RREB1: variants seen among roughly 807,000 people sequenced by gnomAD.
The protein encoded by RREB1 is ras responsive element binding protein 1.
Under a neutral mutation model 117.8 loss-of-function variants are expected in RREB1, and 27 were observed. That is an observed-to-expected ratio of 0.23 (90% CI 0.17 to 0.32). The LOEUF is 0.32. Ranked by LOEUF, RREB1 falls within the 10% of genes least tolerant of loss-of-function variation. The pLI is 1.00. For missense variants in RREB1, 2,577 were observed against 2,378.2 expected (o/e 1.08, Z -1.74); for synonymous variants, 1,298 against 1,026.7 (o/e 1.26, Z -5.05).
In RREB1 at chr6:7,240,488, T is replaced by C; in HGVS notation, c.3859T>C (p.Ser1287Pro). 6.2e-7 allele frequency: 1 copy of C among 1,614,040 alleles called. No homozygotes were observed. The highest frequency in any genetic ancestry group is 8.5e-7 in the Non-Finnish European group (1 of 1,179,976). ...QKCDAFFSTK[S>P]NCERHQLRKH... Reference sequence around the variant, plus strand: ...ATGCGATGCCTTCTTTTCTACCAAATCTAACTGTGAACGCCACCAGTTGCG... The same window carrying C: ...ATGCGATGCCTTCTTTTCTACCAAACCTAACTGTGAACGCCACCAGTTGCG... Residue 1287 changes from serine to proline, a missense_variant, in exon 11 of 13, where the codon TCT becomes CCT. By Grantham distance (74) the Ser-to-Pro change is moderately conservative. Coordinates refer to ENST00000379938, the MANE Select transcript of RREB1 (RefSeq NM_001003699.4).
At chr6:7,173,346 G>A (rs954513733) in intron 1 of RREB1, among the ~76,000 whole-genome samples, 3 of 151,720 alleles carry the variant, frequency 2.0e-5, no homozygotes, top group African/African-American at 7.3e-5. Flanking sequence ...GCGAAACCCC[G>A]TCTCTACTAA....
intron 1 of RREB1, among the ~76,000 whole-genome samples, chr6:7,113,554 AT>A (rs1052204523): frequency 6.6e-5 from 10 of 152,148 alleles, no homozygotes; most frequent in African/African-American, 2.4e-4. Flanking sequence ...ATGTTGACCC[AT>A]TTTACAGCTG....
At chr6:7,136,799 GTTCT>G (rs1762365765) in intron 1 of RREB1, among the ~76,000 whole-genome samples, 1 of 152,180 alleles carries the variant, frequency 6.6e-6, no homozygotes. Flanking sequence ...GTTTTCAAGA[GTTCT>G]TTATTATCAG....
At chr6:7,153,451 C>T (rs1763221672) in intron 1 of RREB1, among the ~76,000 whole-genome samples, 1 of 151,612 alleles carries the variant, frequency 6.6e-6, no homozygotes, top group Non-Finnish European at 1.5e-5. Context: ...CACAAATCCT[C>T]CAATGTATTT....
chr6:7,109,903 T>C (rs1224684306), intron 1 of RREB1, among the ~76,000 whole-genome samples: 2 of 152,190 alleles, frequency 1.3e-5, no homozygotes, highest in Non-Finnish European at 2.9e-5. Context: ...CGTTTTGGTA[T>C]GTTGAAAAAC....
chr6:7,187,981 A>G (rs1765173657), intron 5 of RREB1, among the ~76,000 whole-genome samples: 1 of 151,998 alleles, frequency 6.6e-6, no homozygotes, highest in Non-Finnish European at 1.5e-5. Flanking sequence ...CATGGTCCAG[A>G]CCAGCCTGGC....
At chr6:7,197,714 G>A (rs1166625624) in intron 6 of RREB1, among the ~76,000 whole-genome samples, 2 of 152,184 alleles carry the variant, frequency 1.3e-5, no homozygotes, top group Non-Finnish European at 2.9e-5. Context: ...ACATCATCTA[G>A]TTGTTTCGTT....
At chr6:7,239,401 C>T (rs1768547575) in intron 10 of RREB1, among the ~76,000 whole-genome samples, 2 of 152,360 alleles carry the variant, frequency 1.3e-5, no homozygotes, top group East Asian at 3.9e-4. Context: ...GATCCCCTCC[C>T]TCCTCCTCTC....
At chr6:7,179,459 T>C (rs1245279690) in intron 2 of RREB1, among the ~76,000 whole-genome samples, 1 of 152,230 alleles carries the variant, frequency 6.6e-6, no homozygotes, top group African/African-American at 2.4e-5. Flanking sequence ...ACTCATAGTA[T>C]AAATTGGTGG....
chr6:7,151,754 A>G (rs1043100442), intron 1 of RREB1, among the ~76,000 whole-genome samples: 5 of 152,220 alleles, frequency 3.3e-5, no homozygotes, highest in Admixed American at 6.5e-5. Flanking sequence ...AGGAGCAGAG[A>G]TCATCTTGTT....
intron 1 of RREB1, among the ~76,000 whole-genome samples, chr6:7,156,972 C>T (rs746614941): frequency 3.9e-5 from 6 of 152,160 alleles, no homozygotes; most frequent in African/African-American, 7.2e-5. Context: ...TCAGCTTCGT[C>T]GTCCCTGGCT....
intron 1 of RREB1, among the ~76,000 whole-genome samples, chr6:7,171,601 C>G (rs1764211932): frequency 6.6e-6 from 1 of 152,202 alleles, no homozygotes; most frequent in Admixed American, 6.5e-5. Flanking sequence ...TGGCTGTACA[C>G]TGGGAACAAT....
intron 1 of RREB1, among the ~76,000 whole-genome samples, chr6:7,151,193 A>G (rs1763107446): frequency 6.6e-6 from 1 of 152,172 alleles, no homozygotes; most frequent in African/African-American, 2.4e-5. Flanking sequence ...ATTTAATATA[A>G]ATGCAATCAG....
intron 9 of RREB1, among the ~76,000 whole-genome samples, chr6:7,227,820 C>A (rs1282544892): frequency 1.3e-5 from 2 of 152,188 alleles, no homozygotes; most frequent in African/African-American, 4.8e-5. Context: ...AACTCCAGCA[C>A]TTTGGGAGGC....
chr6:7,140,094 T>G (rs1412893542), intron 1 of RREB1, among the ~76,000 whole-genome samples: 1 of 152,198 alleles, frequency 6.6e-6, no homozygotes, highest in Non-Finnish European at 1.5e-5. Context: ...TTATTGAGAA[T>G]TTAGGGGAAA....
At chr6:7,120,981 G>A (rs1761676) in intron 1 of RREB1, among the ~76,000 whole-genome samples, 1 of 151,720 alleles carries the variant, frequency 6.6e-6, no homozygotes, top group Admixed American at 6.6e-5. Flanking sequence ...CTGCCACTAC[G>A]CCTGGCTAAT....
intron 1 of RREB1, among the ~76,000 whole-genome samples, chr6:7,136,364 C>A (rs961026167): frequency 6.6e-6 from 1 of 152,138 alleles, no homozygotes; most frequent in Non-Finnish European, 1.5e-5. Context: ...ATTTCTCCCC[C>A]CTTCAGTAGC....
chr6:7,141,565 A>G (rs1405898180), intron 1 of RREB1, among the ~76,000 whole-genome samples: 1 of 152,220 alleles, frequency 6.6e-6, no homozygotes. Context: ...GCCCACTCGC[A>G]TTATGTAATT....
At chr6:7,177,327 G>A (rs776118006) in intron 2 of RREB1, among the ~76,000 whole-genome samples, 2 of 149,618 alleles carry the variant, frequency 1.3e-5, no homozygotes, top group African/African-American at 4.9e-5. Flanking sequence ...CCAAGGGTTC[G>A]TCTCAGGAAG....
Sources: allele counts gnomAD v4.1 joint callset (sites outside exome capture counted in the v4.1 genomes callset), GRCh38; gene constraint gnomAD v4.1.1; transcripts MANE v1.5; gene names NCBI Gene and HGNC (gene_info 2026-07-23, HGNC 2026-07-21).